Variants in FSHR observed in about 807,000 individuals in gnomAD.
The protein encoded by FSHR is follicle-stimulating hormone receptor.
Under a neutral mutation model 52.1 loss-of-function variants are expected in FSHR, and 46 were observed. That is an observed-to-expected ratio of 0.88 (90% CI 0.70 to 1.13). The LOEUF is 1.13. Among genes scored for constraint, FSHR ranks in the 50% most tolerant of loss-of-function variants. The pLI, the probability that FSHR is intolerant of heterozygous loss-of-function variation, is 0.00. For synonymous variants in FSHR, 399 were observed against 309.6 expected, an observed-to-expected ratio of 1.29 and a Z score of -3.03; for missense variants, 964 against 834.6, an observed-to-expected ratio of 1.16 and a Z score of -1.91.
intron 1 of FSHR, among the ~76,000 whole-genome samples, chr2:49,136,522 G>A (rs1672495169): frequency 6.6e-6 from 1 of 152,092 alleles, no homozygotes; most frequent in South Asian, 2.1e-4. Flanking sequence ...TGAGGCCAGT[G>A]TTACTCAGAT....
intron 2 of FSHR, among the ~76,000 whole-genome samples, chr2:49,040,460 C>A (rs1006901170): frequency 2.0e-5 from 3 of 152,198 alleles, no homozygotes; most frequent in Non-Finnish European, 2.9e-5. Context: ...TTATCTCTCT[C>A]CTGTTCCAAG....
At chr2:49,034,451 T>C (rs1020051483) in intron 2 of FSHR, among the ~76,000 whole-genome samples, 2 of 152,220 alleles carry the variant, frequency 1.3e-5, no homozygotes, top group African/African-American at 4.8e-5. Flanking sequence ...TATGCAGGTG[T>C]CAATAGCTGG....
At chr2:48,983,560 T>C (rs570513233) in intron 6 of FSHR, among the ~76,000 whole-genome samples, 55 of 152,318 alleles carry the variant, frequency 3.6e-4, no homozygotes, top group Non-Finnish European at 7.2e-4. Flanking sequence ...CAAGTGTTTA[T>C]AAGACAGAGA....
At chr2:49,061,850 AAATAT>A (rs56231042) in intron 2 of FSHR, among the ~76,000 whole-genome samples, 47,677 of 140,726 alleles carry the variant, frequency 0.34, 8,728 homozygotes, top group East Asian at 0.49. Flanking sequence ...ATATAAATAT[AAATAT>A]AATATATTTA....
rs1477031797 is a variant in FSHR at position 49,087,639 on chromosome 2, T to A, written c.153-19349A>T. On this transcript the variant is annotated intron_variant, in intron 1 of 9. Transcript: ENST00000406846. ...ACAGGATCAATCATGCATAAAGTAA[T>A]AGAGGTAAAAAAGAAACAGTCCTTT... Among the ~76,000 whole-genome samples the A allele has an allele frequency of 3.9e-5, 6 of 152,110 alleles. No individual in the cohort carries two copies. In the South Asian group the frequency reaches 1.0e-3, roughly 26 times the overall value.
intron 2 of FSHR, among the ~76,000 whole-genome samples, chr2:49,022,644 G>C (rs1248923452): frequency 6.6e-6 from 1 of 152,224 alleles, no homozygotes; most frequent in East Asian, 1.9e-4. Flanking sequence ...GGAACCAACT[G>C]TGGCTGACAG....
At chr2:49,132,968 TAA>T (rs34913428) in intron 1 of FSHR, among the ~76,000 whole-genome samples, 7,725 of 48,624 alleles carry the variant, frequency 0.16, 401 homozygotes, top group Non-Finnish European at 0.2. Flanking sequence ...TAAAACTCAG[TAA>T]AAAAAAAAAA....
At chr2:49,119,172 A>T in intron 1 of FSHR, among the ~76,000 whole-genome samples, 1 of 152,186 alleles carries the variant, frequency 6.6e-6, no homozygotes, top group Admixed American at 6.5e-5. Context: ...AAGAATGAAG[A>T]CTGATATTAT....
chr2:49,026,384 A>G (rs1054017609), intron 2 of FSHR, among the ~76,000 whole-genome samples: 1 of 152,222 alleles, frequency 6.6e-6, no homozygotes, highest in Non-Finnish European at 1.5e-5. Context: ...CTTACGTGTC[A>G]GGCAACTTTT....
At chr2:49,018,004 G>A (rs1667551128) in intron 3 of FSHR, among the ~76,000 whole-genome samples, 1 of 151,906 alleles carries the variant, frequency 6.6e-6, no homozygotes, top group African/African-American at 2.4e-5. Flanking sequence ...ATGAAAAAGA[G>A]CAATGAAAAA....
intron 1 of FSHR, among the ~76,000 whole-genome samples, chr2:49,104,288 C>T (rs556700760): frequency 1.3e-5 from 2 of 152,228 alleles, no homozygotes; most frequent in East Asian, 3.9e-4. Context: ...CAGCCATTGC[C>T]ACTTCCTCAG....
chr2:49,011,666 G>A (rs998159891), intron 4 of FSHR, among the ~76,000 whole-genome samples: 3 of 151,954 alleles, frequency 2.0e-5, no homozygotes, highest in African/African-American at 7.3e-5. Flanking sequence ...CAATGTTAAG[G>A]TTCCTACTTT....
At position 48,963,531 on chromosome 2, in the gene FSHR, G is replaced by T. The variant is rs1674329235; in HGVS notation, c.1290C>A (p.His430Gln). 2 of 1,614,216 alleles carry T rather than the reference G, an allele frequency of 1.2e-6. No homozygotes were observed. The highest frequency in any genetic ancestry group is 1.7e-6 in the Non-Finnish European group (2 of 1,180,032). Residue 430 changes from histidine (H) to glutamine (Q), a missense_variant, in exon 10 of 10, where the codon CAC becomes CAA. Coordinates refer to ENST00000406846, the MANE Select transcript of FSHR (RefSeq NM_000145.4). The stretch of plus-strand genomic sequence containing the variant: ...CAGTTTGCCAGTCAATGGCATAGTT[G>T]TGATATTGGCTCTTGGTATGGATAT... The part of the protein sequence containing the change: ...SVDIHTKSQY[H>Q]NYAIDWQTGA...
intron 8 of FSHR, among the ~76,000 whole-genome samples, chr2:48,981,659 C>G (rs192830822): frequency 5.3e-4 from 81 of 152,242 alleles, no homozygotes; most frequent in Admixed American, 2.6e-3. Flanking sequence ...GCAGCAGAAT[C>G]TCATATATAG....
chr2:49,063,955 ATG>A (rs1558419711), intron 2 of FSHR, among the ~76,000 whole-genome samples: 2 of 152,146 alleles, frequency 1.3e-5, no homozygotes, highest in African/African-American at 2.4e-5. Context: ...TACAGTTATT[ATG>A]TGTTACAATT....
chr2:49,008,193 C>G (rs1297750866), intron 4 of FSHR, among the ~76,000 whole-genome samples: 5 of 105,200 alleles, frequency 4.8e-5, no homozygotes, highest in Admixed American at 1.3e-4. Flanking sequence ...CACCCCACAA[C>G]AGTCCCCAGA....
chr2:49,137,380 T>A (rs1672525020), intron 1 of FSHR, among the ~76,000 whole-genome samples: 1 of 152,102 alleles, frequency 6.6e-6, no homozygotes, highest in South Asian at 2.1e-4. Flanking sequence ...TATTCATAGG[T>A]CAGAAGACTT....
chr2:49,031,679 G>C (rs992862109), intron 2 of FSHR, among the ~76,000 whole-genome samples: 1 of 152,112 alleles, frequency 6.6e-6, no homozygotes, highest in South Asian at 2.1e-4. Context: ...AGGTATCTAG[G>C]TTATCAGCCA....
intron 6 of FSHR, 44 bp from the exon 7 acceptor site, chr2:48,983,210 A>T (rs771449297): frequency 6.4e-7 from 1 of 1,558,480 alleles, no homozygotes; most frequent in Non-Finnish European, 8.8e-7. Flanking sequence ...GTCAGATGCA[A>T]ACAATACACG....
Sources: gnomAD v4.1 joint callset for allele counts (sites outside exome capture counted in the v4.1 genomes callset) on GRCh38, gnomAD v4.1.1 for gene constraint, MANE v1.5 for transcripts, NCBI Gene and HGNC (gene_info 2026-07-23, HGNC 2026-07-21) for gene names.